Variants in GNPAT observed in about 807,000 individuals in gnomAD.
GNPAT encodes glyceronephosphate O-acyltransferase, also known as dihydroxyacetone phosphate acyltransferase.
A neutral mutation model predicts 78.4 loss-of-function variants in GNPAT; 30 were observed. The ratio of observed to expected loss-of-function variants is 0.38; its 90% CI spans 0.29 to 0.52. GNPAT has a LOEUF of 0.52. GNPAT is among the 20% of genes least tolerant of loss of function. The pLI is 0.84. For missense variants in GNPAT, 714 were observed against 812.2 expected, an observed-to-expected ratio of 0.88 and a Z score of 1.47; for synonymous variants, 271 against 281.1, an observed-to-expected ratio of 0.96 and a Z score of 0.36.
chr1:231,262,661 T>G, intron 3 of GNPAT, 62 bp from the exon 4 acceptor site: 1 of 1,299,770 alleles, frequency 7.7e-7, no homozygotes, highest in Non-Finnish European at 1.1e-6. Flanking sequence ...GTTTTCTGAT[T>G]TGAGATGTGA....
intron 14 of GNPAT, 28 bp from the exon 15 acceptor site, chr1:231,276,107 A>C (rs1206397915): frequency 6.3e-6 from 6 of 945,070 alleles, no homozygotes; most frequent in Non-Finnish European, 1.0e-5. Context: ...GAGTTTATGT[A>C]ATAATAAAGC....
chr1:231,260,197 T>G (rs1273271881), intron 2 of GNPAT, among the ~76,000 whole-genome samples: 1 of 152,178 alleles, frequency 6.6e-6, no homozygotes, highest in African/African-American at 2.4e-5. Context: ...CACTAGACCA[T>G]GGGCAGCAAC....
intron 2 of GNPAT, among the ~76,000 whole-genome samples, chr1:231,254,872 G>C (rs562294074): frequency 4.0e-5 from 6 of 151,416 alleles, no homozygotes; most frequent in African/African-American, 1.5e-4. Flanking sequence ...CTGCCTCAGC[G>C]TCCCAAGTAG....
At chr1:231,249,605 G>T (rs1228377288) in intron 1 of GNPAT, among the ~76,000 whole-genome samples, 1 of 152,146 alleles carries the variant, frequency 6.6e-6, no homozygotes, top group Non-Finnish European at 1.5e-5. Context: ...CAGTGTTGTG[G>T]GATACATACC....
intron 5 of GNPAT, 27 bp downstream of exon 5, chr1:231,265,447 C>CT: frequency 6.4e-7 from 1 of 1,564,994 alleles, no homozygotes; most frequent in Non-Finnish European, 8.8e-7. Context: ...CCCAACTACT[C>CT]TTAAGCCATA....
In GNPAT at chr1:231,265,396, T is replaced by A; in HGVS notation, c.672T>A (p.Ser224=). 1 of 1,609,694 alleles carries A rather than the reference T, an allele frequency of 6.2e-7. No individual in the cohort carries two copies. Among genetic ancestry groups the A allele is most frequent in the Non-Finnish European group, 8.5e-7 (1 of 1,175,940 alleles). Residue 224 remains serine (S), a synonymous_variant, in exon 5 of 16, where the codon TCT becomes TCA. Coordinates refer to ENST00000366647, the MANE Select transcript of GNPAT (RefSeq NM_014236.4). ...ATAAACTCTACTGGGCTGTATTCTC[T>A]GAATATGTAAAAACTATGTTACGGG... ...GGNKLYWAVF[S]EYVKTMLRNG...
chr1:231,242,999 G>A (rs1011609610), intron 1 of GNPAT, among the ~76,000 whole-genome samples: 2 of 152,184 alleles, frequency 1.3e-5, no homozygotes, highest in African/African-American at 4.8e-5. Flanking sequence ...CGCTGTTATT[G>A]TGTAATATTC....
chr1:231,246,189 T>C (rs1196635990), intron 1 of GNPAT, among the ~76,000 whole-genome samples: 2 of 152,142 alleles, frequency 1.3e-5, no homozygotes, highest in East Asian at 1.9e-4. Context: ...TGGGGTCAGA[T>C]TGGAAGCTTT....
intron 1 of GNPAT, among the ~76,000 whole-genome samples, chr1:231,246,418 C>T (rs1378051958): frequency 6.6e-6 from 1 of 152,190 alleles, no homozygotes; most frequent in Admixed American, 6.5e-5. Context: ...GTATTCACAG[C>T]CTGTAAAACA....
intron 10 of GNPAT, 59 bp downstream of exon 10, chr1:231,271,059 T>G: frequency 6.3e-7 from 1 of 1,575,534 alleles, no homozygotes; most frequent in Non-Finnish European, 8.7e-7. Context: ...CCATTCCATT[T>G]AGGGAGCCAC....
intron 1 of GNPAT, among the ~76,000 whole-genome samples, chr1:231,248,589 T>C (rs1684812291): frequency 6.6e-6 from 1 of 151,852 alleles, no homozygotes; most frequent in Non-Finnish European, 1.5e-5. Flanking sequence ...AACTTAAATG[T>C]AAAAATCCTC....
At position 231,241,367 on chromosome 1, in the gene GNPAT, G is replaced by T. The variant is rs1194714395; in HGVS notation, c.-12G>T. The T allele has an allele frequency of 1.2e-6, 2 of 1,610,452 alleles. No individual in the cohort carries two copies. The highest frequency in any genetic ancestry group is 1.7e-6 in the Non-Finnish European group (2 of 1,176,670). Reference sequence around the variant, plus strand: ...AAGAATCCCAGACCCCGCCCGGGAAGGCAGCCGCACCATGGAGTCTTCCAG... The same window carrying T: ...AAGAATCCCAGACCCCGCCCGGGAATGCAGCCGCACCATGGAGTCTTCCAG... On this transcript the variant is annotated 5_prime_UTR_variant, in exon 1 of 16. It adds an upstream start codon to the 5' untranslated region. Transcript: ENST00000366647.
At chr1:231,256,479 C>CTTTTTTTTTTTTTTT (rs10693276) in intron 2 of GNPAT, among the ~76,000 whole-genome samples, 1 of 75,904 alleles carries the variant, frequency 1.3e-5, no homozygotes, top group Non-Finnish European at 2.3e-5. Flanking sequence ...CTAATTTTCT[C>CTTTTTTTTTTTTTTT]TTTTTTTTTT....
At chr1:231,275,367 A>G (rs1330476730) in intron 13 of GNPAT, 38 bp from the exon 14 acceptor site, 15 of 1,549,748 alleles carry the variant, frequency 9.7e-6, no homozygotes, top group Non-Finnish European at 1.3e-5. Context: ...TTGAGAATAG[A>G]AACTGGTCAA....
chr1:231,251,246 C>A, intron 2 of GNPAT, 103 bp downstream of exon 2: 1 of 690,928 alleles, frequency 1.4e-6, no homozygotes, highest in Non-Finnish European at 2.5e-6. Flanking sequence ...TTAGGCTGAG[C>A]TGTATTCATC....
intron 6 of GNPAT, 21 bp downstream of exon 6, chr1:231,265,808 AG>A: frequency 4.1e-6 from 6 of 1,458,536 alleles, no homozygotes; most frequent in Non-Finnish European, 3.9e-6. Flanking sequence ...ACAGATTAAA[AG>A]GAAAAATACA....
intron 2 of GNPAT, 73 bp from the exon 3 acceptor site, chr1:231,260,434 T>A: frequency 1.0e-6 from 1 of 1,004,078 alleles, no homozygotes; most frequent in Admixed American, 1.7e-5. Flanking sequence ...CTAGTCATAC[T>A]GGTTTGAGTA....
In GNPAT at chr1:231,270,840, T is replaced by C. The variant is rs771628234; in HGVS notation, c.1362T>C (p.Ile454=). 9 of 1,614,138 alleles carry C rather than the reference T, an allele frequency of 5.6e-6. No homozygotes were observed. The highest frequency in any genetic ancestry group is 1.6e-4 in the Middle Eastern group (1 of 6,062). ...NIASLVKDQV[I]LKVDSGDSEV... is the part of the protein sequence containing the mutation. ...CCAGCCTTGTCAAAGACCAGGTGAT[T>C]CTGAAAGTGGACTCCGGAGACTCGG... The change falls in exon 10 of 16, where the codon ATT becomes ATC. Residue 454 remains isoleucine (I), a synonymous_variant. Transcript: ENST00000366647.
chr1:231,254,145 T>A (rs762772719), intron 2 of GNPAT, among the ~76,000 whole-genome samples: 62 of 152,264 alleles, frequency 4.1e-4, no homozygotes, highest in Non-Finnish European at 6.6e-4. Flanking sequence ...CAAATAATTC[T>A]AATGCACACC....
Sources: allele counts gnomAD v4.1 joint callset (sites outside exome capture counted in the v4.1 genomes callset), GRCh38; gene constraint gnomAD v4.1.1; transcripts MANE v1.5; gene names NCBI Gene and HGNC (gene_info 2026-07-23, HGNC 2026-07-21).